Variants in TSHZ1 observed in about 807,000 individuals in gnomAD.
TSHZ1 encodes teashirt homolog 1.
TSHZ1 carries 12 observed loss-of-function variants against 67.1 expected under a neutral mutation model. The ratio of observed to expected loss-of-function variants is 0.18; its 90% CI spans 0.11 to 0.29. TSHZ1 has a LOEUF of 0.29. Among genes scored for constraint, TSHZ1 ranks in the 10% least tolerant of loss-of-function variants. The probability of loss-of-function intolerance (pLI) is 1.00; values close to 1 mark genes in which losing one functional copy is unlikely to be tolerated. For missense variants in TSHZ1, 1,305 were observed against 1,413.9 expected (o/e 0.92, Z 1.23); for synonymous variants, 632 against 622.4 (o/e 1.02, Z -0.23).
Position 75,288,724 on chromosome 18 carries a change from G to T in TSHZ1, c.*83G>T. 1 of 1,505,514 alleles carries T rather than the reference G, an allele frequency of 6.6e-7. No individual in the cohort carries two copies. Among genetic ancestry groups the T allele is most frequent in the Non-Finnish European group, 8.8e-7 (1 of 1,130,244 alleles). 93.3% of individuals were successfully genotyped at this position (1,505,514 alleles called of 1,614,324 possible). ...GGCCTGGCCTGAGCCTCTGAAATCA[G>T]TCTTTCCTTTGTTGCTGGCCCGCCT... On this transcript the variant is annotated 3_prime_UTR_variant, in exon 2 of 2. Coordinates refer to ENST00000580243, the MANE Select transcript of TSHZ1 (RefSeq NM_001308210.2). This position sits in a 1 kb window ranked among gnomAD's most constrained non-coding sequence, Gnocchi z 4.9.
rs1184449769 is a variant in TSHZ1, at chr18:75,285,934, G to C, written c.527G>C (p.Ser176Thr). ...STTGPTTSTPSTSCSSSTSHS... is the reference protein window; with the variant it reads ...STTGPTTSTPTTSCSSSTSHS... Reference sequence around the variant, plus strand: ...ACTGGCCCCACCACGAGCACGCCCAGCACCAGCTGCAGCTCCAGCACCAGC... The same window carrying C: ...ACTGGCCCCACCACGAGCACGCCCACCACCAGCTGCAGCTCCAGCACCAGC... The change falls in exon 2 of 2, where the codon AGC (serine) becomes ACC (threonine). Residue 176 changes from serine to threonine, a missense_variant. Physicochemically the swap from Ser to Thr is moderately conservative, Grantham distance 58 (BLOSUM62 1). Around this residue, in one of 3 missense-constraint regions of TSHZ1, gnomAD observed 358 missense variants for 375.6 expected, o/e 0.95. Coordinates refer to ENST00000580243, the MANE Select transcript of TSHZ1 (RefSeq NM_001308210.2). 7.8e-7 allele frequency: 1 copy of C among 1,285,628 alleles called. No individual in the cohort carries two copies. Among genetic ancestry groups the C allele is most frequent in the Admixed American group, 2.5e-5 (1 of 39,730 alleles). The allele number at this position is 1,285,628 out of a possible 1,614,324, so 79.6% of individuals were successfully genotyped here.
chr18:75,214,860 G>C (rs368241369), intron 1 of TSHZ1, among the ~76,000 whole-genome samples: 1 of 152,072 alleles, frequency 6.6e-6, no homozygotes, highest in Non-Finnish European at 1.5e-5. Context: ...TGTGACAGGC[G>C]TAACGATTAA....
At chr18:75,263,155 T>A (rs2023450534) in intron 1 of TSHZ1, among the ~76,000 whole-genome samples, 1 of 152,208 alleles carries the variant, frequency 6.6e-6, no homozygotes, top group Admixed American at 6.5e-5. Context: ...TTAAACATGT[T>A]ACTTGTGGTC....
chr18:75,247,327 A>AG (rs972888285), intron 1 of TSHZ1, among the ~76,000 whole-genome samples: 1 of 152,124 alleles, frequency 6.6e-6, no homozygotes, highest in Non-Finnish European at 1.5e-5. Context: ...TGCTCCTGCC[A>AG]GGGGGGGCTG....
In TSHZ1 at chr18:75,285,832, C is replaced by T. The variant is rs779363710; in HGVS notation, c.425C>T (p.Thr142Ile). 9 of 1,613,804 alleles carry T rather than the reference C, an allele frequency of 5.6e-6. No homozygotes were observed. The highest frequency in any genetic ancestry group is 2.7e-5 in the African/African-American group (2 of 74,884). ...LALDLKKSGSTTSTNDASQKE... is the reference protein window; with the variant it reads ...LALDLKKSGSITSTNDASQKE... ...CTGGATTTAAAGAAGTCGGGTTCCACCACCAGCACCAACGATGCCAGCCAG... is the reference window on the plus strand; with the variant it reads ...CTGGATTTAAAGAAGTCGGGTTCCATCACCAGCACCAACGATGCCAGCCAG... Residue 142 changes from threonine to isoleucine, a missense_variant, in exon 2 of 2, where the codon ACC (threonine) becomes ATC (isoleucine). Around this residue, in one of 3 missense-constraint regions of TSHZ1, gnomAD observed 358 missense variants for 375.6 expected, o/e 0.95. Transcript: ENST00000580243.
chr18:75,249,135 C>T (rs1010130664), intron 1 of TSHZ1, among the ~76,000 whole-genome samples: 3 of 152,290 alleles, frequency 2.0e-5, no homozygotes, highest in South Asian at 2.1e-4. Context: ...CAGGCCGTGG[C>T]TGCTCTCTGT....
chr18:75,256,813 CGAT>C (rs1568361869), intron 1 of TSHZ1, among the ~76,000 whole-genome samples: 1 of 152,168 alleles, frequency 6.6e-6, no homozygotes, highest in Non-Finnish European at 1.5e-5. Flanking sequence ...CAAAACATCT[CGAT>C]GATGTGCATT....
intron 1 of TSHZ1, among the ~76,000 whole-genome samples, chr18:75,246,448 G>GTGTGTGTGTGTGTGTGTGTC (rs2023225330): frequency 6.6e-6 from 1 of 151,292 alleles, no homozygotes; most frequent in Admixed American, 6.6e-5. Flanking sequence ...GTGTGTGTCA[G>GTGTGTGTGTGTGTGTGTGTC]AGAGAAAGAG....
chr18:75,249,004 G>A (rs1215279043), intron 1 of TSHZ1, among the ~76,000 whole-genome samples: 2 of 152,162 alleles, frequency 1.3e-5, no homozygotes, highest in East Asian at 1.9e-4. Context: ...GGCCTGAGCC[G>A]GGCACCCTGG....
chr18:75,286,228 A>G lies in TSHZ1; in HGVS notation c.821A>G (p.Asp274Gly). ...HMNETGHYRD[D>G]NRDKDSEKTK... ...AACGAGACAGGCCACTACCGTGACG[A>G]CAACAGGGACAAGGACTCCGAGAAG... The change falls in exon 2 of 2, where the codon GAC becomes GGC. Residue 274 changes from aspartate to glycine, a missense_variant. Physicochemically the swap from Asp to Gly is moderately conservative, Grantham distance 94. Transcript: ENST00000580243. This position sits in a 1 kb window ranked among gnomAD's most constrained non-coding sequence, Gnocchi z 5.1. 1 of 1,614,020 alleles carries G rather than the reference A, an allele frequency of 6.2e-7. No individual in the cohort carries two copies. Among genetic ancestry groups the G allele is most frequent in the Non-Finnish European group, 8.5e-7 (1 of 1,179,918 alleles).
chr18:75,221,194 CAT>C (rs2022840856), intron 1 of TSHZ1: 1 of 152,192 alleles, frequency 6.6e-6, no homozygotes, highest in African/African-American at 2.4e-5. Context: ...CAAGTACTTA[CAT>C]GCTTATAAAT....
chr18:75,216,823 G>C (rs977489782), intron 1 of TSHZ1, among the ~76,000 whole-genome samples: 1 of 152,088 alleles, frequency 6.6e-6, no homozygotes, highest in African/African-American at 2.4e-5. Flanking sequence ...GAAGGAGGAA[G>C]TGTTGGGGTC....
At chr18:75,216,724 G>A (rs2022773135) in intron 1 of TSHZ1, among the ~76,000 whole-genome samples, 1 of 152,216 alleles carries the variant, frequency 6.6e-6, no homozygotes, top group South Asian at 2.1e-4. Context: ...GCATATTGGT[G>A]ATGGAGTTGA....
chr18:75,211,919 A>G lies in TSHZ1; in HGVS notation c.40+3A>G. On this transcript the variant is annotated splice_donor_region_variant and intron_variant, in intron 1 of 1. Coordinates refer to ENST00000580243, the MANE Select transcript of TSHZ1 (RefSeq NM_001308210.2). ...GCAGGCCCCCCGGCGCTCGGCAGGT[A>G]ACGGGCGCGCGGCCCGCGCCGCGGG... The G allele has an allele frequency of 8.4e-7, 1 of 1,197,474 alleles. No individual in the cohort carries two copies. The highest frequency in any genetic ancestry group is 1.0e-6 in the Non-Finnish European group (1 of 966,688). 74.2% of individuals were successfully genotyped at this position (1,197,474 alleles called of 1,614,324 possible).
chr18:75,289,404 T>C lies in TSHZ1; in HGVS notation c.*763T>C. The C allele has an allele frequency of 6.0e-6, 1 of 167,156 alleles. No individual in the cohort carries two copies. 10.4% of individuals were successfully genotyped at this position (167,156 alleles called of 1,614,324 possible). On this transcript the variant is annotated 3_prime_UTR_variant, in exon 2 of 2. Coordinates refer to ENST00000580243, the MANE Select transcript of TSHZ1 (RefSeq NM_001308210.2). ...TAAAAATGTGTAAAAATGCTATTTC[T>C]TTTTTCCTGTAAAATATTGCAGTTT... is the stretch of plus-strand genomic sequence containing the variant.
In TSHZ1 at chr18:75,286,712, G is replaced by A. The variant is rs148126168; in HGVS notation, c.1305G>A (p.Met435Ile). 4 of 1,613,986 alleles carry A rather than the reference G, an allele frequency of 2.5e-6. No homozygotes were observed. The highest frequency in any genetic ancestry group is 2.2e-5 in the East Asian group (1 of 44,866). ...CGCTGCAGCAGCTCACCGCCCACATGATGGTCACCGGGCACTTCCTGAAAG... is the reference window on the plus strand; with the variant it reads ...CGCTGCAGCAGCTCACCGCCCACATAATGGTCACCGGGCACTTCCTGAAAG... Reference protein sequence around the residue: ...HDTLQQLTAHMMVTGHFLKVT... With the variant: ...HDTLQQLTAHIMVTGHFLKVT... Residue 435 changes from methionine to isoleucine, a missense_variant, in exon 2 of 2, where the codon ATG becomes ATA. By Grantham distance (10) the Met-to-Ile change is conservative. Coordinates refer to ENST00000580243, the MANE Select transcript of TSHZ1 (RefSeq NM_001308210.2). The surrounding 1 kb of genome is among the most constrained non-coding windows in gnomAD (Gnocchi z 5.1).
intron 1 of TSHZ1, among the ~76,000 whole-genome samples, chr18:75,260,337 G>A (rs969104070): frequency 5.9e-5 from 9 of 152,192 alleles, no homozygotes; most frequent in Non-Finnish European, 1.3e-4. Flanking sequence ...ATTGCTTACG[G>A]CATTTTGTTG....
At chr18:75,236,871 A>G (rs1037013449) in intron 1 of TSHZ1, among the ~76,000 whole-genome samples, 1 of 152,200 alleles carries the variant, frequency 6.6e-6, no homozygotes, top group African/African-American at 2.4e-5. Context: ...ATAAGGTTAC[A>G]GGGTAAGACA....
At chr18:75,221,355 ATAAAT>A (rs1256091735) in intron 1 of TSHZ1, among the ~76,000 whole-genome samples, 26 of 152,370 alleles carry the variant, frequency 1.7e-4, no homozygotes, top group African/African-American at 4.3e-4. Context: ...ATATGATGAA[ATAAAT>A]TAAATCAGCA....
Sources: allele counts gnomAD v4.1 joint callset (sites outside exome capture counted in the v4.1 genomes callset), GRCh38; gene constraint gnomAD v4.1.1; regional missense constraint gnomAD v4.1.1; non-coding constraint Gnocchi (gnomAD v3.1); transcripts MANE v1.5; gene names NCBI Gene and HGNC (gene_info 2026-07-23, HGNC 2026-07-21).